Variants in MROH2B observed in about 807,000 individuals in gnomAD.
The protein encoded by MROH2B is maestro heat-like repeat-containing protein family member 2B.
Under a neutral mutation model 208.6 loss-of-function variants are expected in MROH2B, and 177 were observed. The observed-to-expected ratio is 0.85, with a 90% confidence interval of 0.75 to 0.96. The LOEUF is 0.96. MROH2B is among the 40% of genes least tolerant of loss of function. The probability of loss-of-function intolerance (pLI) is 0.00; values close to 1 mark genes in which losing one functional copy is unlikely to be tolerated. For missense variants in MROH2B, 2,002 were observed against 1,878.7 expected, an observed-to-expected ratio of 1.07 and a Z score of -1.21; for synonymous variants, 728 against 659.0, an observed-to-expected ratio of 1.10 and a Z score of -1.60.
chr5:41,014,424 C>G (rs1410505286), intron 29 of MROH2B, among the ~76,000 whole-genome samples: 2 of 152,072 alleles, frequency 1.3e-5, no homozygotes, highest in East Asian at 3.9e-4. Context: ...ACATCACACA[C>G]CAGGGCCTGT....
At position 41,067,117 on chromosome 5, in the gene MROH2B, T is replaced by C. The variant is rs1201605665; in HGVS notation, c.192A>G (p.Arg64=). ...RLIYYASKDM[R]DNNMLREIRM... ...CATGAACCAAACTTACATTGTTGTCTCTCATATCCTTAGAAGCATAATAAA... is the reference window on the plus strand; with the variant it reads ...CATGAACCAAACTTACATTGTTGTCCCTCATATCCTTAGAAGCATAATAAA... Residue 64 remains arginine (R), a synonymous_variant, in exon 3 of 42, where the codon AGA becomes AGG. Coordinates refer to ENST00000399564, the MANE Select transcript of MROH2B (RefSeq NM_173489.5). The C allele has an allele frequency of 6.5e-7, 1 of 1,547,698 alleles. No homozygotes were observed. Among genetic ancestry groups the C allele is most frequent in the Non-Finnish European group, 8.8e-7 (1 of 1,142,852 alleles).
Position 41,057,563 on chromosome 5 carries a change from C to CTTTTTTTTTTTTTTTTTTTTTTTTTTTT in MROH2B, c.757-204_757-203insAAAAAAAAAAAAAAAAAAAAAAAAAAAA, listed in dbSNP as rs776904759. Among the ~76,000 whole-genome samples the CTTTTTTTTTTTTTTTTTTTTTTTTTTTT allele has an allele frequency of 5.5e-3, 406 of 73,210 alleles. 115 individuals carry two copies. The highest frequency in any genetic ancestry group is 0.019 in the East Asian group (32 of 1,698). 48.0% of individuals were successfully genotyped at this position (73,210 alleles called of 152,430 possible). A position where few individuals can be genotyped will look rare whatever the true frequency, so the allele number is the denominator to read the frequency against. The stretch of plus-strand genomic sequence containing the variant: ...ATGAATGAATGAACGAATATCCCTC[C>CTTTTTTTTTTTTTTTTTTTTTTTTTTTT]TTTTTTTTTTTGAGACGGAGTCTTG... On this transcript the variant is annotated intron_variant, in intron 7 of 41. Transcript: ENST00000399564.
intron 24 of MROH2B, among the ~76,000 whole-genome samples, chr5:41,023,186 G>T (rs1006540707): frequency 6.6e-6 from 1 of 152,208 alleles, no homozygotes; most frequent in South Asian, 2.1e-4. Context: ...AACAAAGCTG[G>T]ACGGAGAATG....
At chr5:41,061,858 T>C in intron 5 of MROH2B, 134 bp from the exon 6 acceptor site, 1 of 948,152 alleles carries the variant, frequency 1.1e-6, no homozygotes, top group Non-Finnish European at 1.5e-6. Flanking sequence ...CTGCATCAAA[T>C]ACACATATAG....
At chr5:41,000,176 C>T in intron 39 of MROH2B, 44 bp downstream of exon 39, 1 of 1,611,162 alleles carries the variant, frequency 6.2e-7, no homozygotes, top group Non-Finnish European at 8.5e-7. Context: ...TTGTCTAGAC[C>T]CTTGTCCTGC....
chr5:41,022,793 C>T (rs1742199566), intron 24 of MROH2B, among the ~76,000 whole-genome samples: 1 of 152,202 alleles, frequency 6.6e-6, no homozygotes, highest in African/African-American at 2.4e-5. Flanking sequence ...AAGCACCCCC[C>T]AGTGGTGGCA....
At chr5:41,021,658 G>T (rs1437226868) in intron 24 of MROH2B, among the ~76,000 whole-genome samples, 3 of 152,038 alleles carry the variant, frequency 2.0e-5, no homozygotes, top group Non-Finnish European at 4.4e-5. Context: ...TGGGCTGAGA[G>T]CTTGAGCCCA....
Position 41,018,380 on chromosome 5 carries a change from G to T in MROH2B, c.2724C>A (p.Ala908=), listed in dbSNP as rs779389070. ...VSQKEWERER[A]FQITAKVLTN... ...TCAGCACTTTCGCAGTGATCTGGAA[G>T]GCTCTTTCTCTTTCCCACTCTTTTT... Residue 908 remains alanine, a synonymous_variant, in exon 27 of 42, where the codon GCC becomes GCA. Transcript: ENST00000399564. The T allele has an allele frequency of 1.4e-5, 22 of 1,613,332 alleles. No individual in the cohort carries two copies. The highest frequency in any genetic ancestry group is 1.7e-5 in the Non-Finnish European group (20 of 1,179,770).
chr5:41,005,413 A>AGCCCCC lies in MROH2B; in HGVS notation c.3864+117_3864+118insGGGGGC, dbSNP rs35848875. On this transcript the variant is annotated intron_variant, in intron 35 of 41. Transcript: ENST00000399564. ...CAGTAGCTGGTCTCTCCTCTATGAA[A>AGCCCCC]CCCCCCCCCCCCTTGAAGTCTCTCT... 1,374 of 204,520 alleles carry AGCCCCC rather than the reference A, an allele frequency of 6.7e-3. 230 individuals are homozygous for AGCCCCC. The highest frequency in any genetic ancestry group is 8.6e-3 in the South Asian group (172 of 19,940). The allele number at this position is 204,520 out of a possible 1,614,324, so 12.7% of individuals were successfully genotyped here. A position where few individuals can be genotyped will look rare whatever the true frequency, so the allele number is the denominator to read the frequency against.
rs1169358111 is a variant in MROH2B, at chr5:41,059,625, T to C, written c.616-1422A>G. On this transcript the variant is annotated intron_variant, in intron 6 of 41. Transcript: ENST00000399564. ...CACACATTTCCAAGCAATGGACACT[T>C]GTCAAGATTTTTCTTGAGTGCTGTA... Among the ~76,000 whole-genome samples, 5 of 152,224 alleles carry C rather than the reference T, an allele frequency of 3.3e-5. No individual in the cohort carries two copies. In the East Asian group the frequency reaches 9.6e-4, roughly 29 times the overall value.
Position 41,052,530 on chromosome 5 carries a change from C to G in MROH2B, c.1165G>C (p.Ala389Pro). ...QTMCEKSYIE[A>P]REGWPLIDYV... ...TCAATCAATGGCCATCCTTCCCGAG[C>G]TTCAATATAGGACTTTTCACACATG... is the stretch of plus-strand genomic sequence containing the variant. Residue 389 changes from alanine to proline, a missense_variant, in exon 12 of 42, where the codon GCT becomes CCT. Ala to Pro is a conservative substitution (Grantham distance 27, BLOSUM62 -1). Transcript: ENST00000399564. The G allele has an allele frequency of 1.9e-6, 3 of 1,612,718 alleles. No individual in the cohort carries two copies. Among genetic ancestry groups the G allele is most frequent in the Non-Finnish European group, 2.5e-6 (3 of 1,179,200 alleles).
At chr5:41,069,136 A>C (rs1743901203) in intron 2 of MROH2B, among the ~76,000 whole-genome samples, 1 of 152,336 alleles carries the variant, frequency 6.6e-6, no homozygotes, top group East Asian at 1.9e-4. Context: ...TCAAATGGAA[A>C]TAGCAATAAC....
chr5:41,052,907 T>C (rs1460559036), intron 11 of MROH2B, among the ~76,000 whole-genome samples: 1 of 152,174 alleles, frequency 6.6e-6, no homozygotes, highest in African/African-American at 2.4e-5. Flanking sequence ...GTCATGTTGG[T>C]GCTCAAAAAG....
intron 3 of MROH2B, among the ~76,000 whole-genome samples, chr5:41,065,767 G>GT (rs1472641926): frequency 6.6e-6 from 1 of 152,054 alleles, no homozygotes; most frequent in Non-Finnish European, 1.5e-5. Context: ...ATTAAAACCA[G>GT]TTTTTAAAAG....
intron 33 of MROH2B, among the ~76,000 whole-genome samples, chr5:41,008,075 A>G (rs1304307064): frequency 2.0e-5 from 3 of 152,234 alleles, no homozygotes; most frequent in African/African-American, 7.2e-5. Context: ...ATGATGGGAT[A>G]TGAAATGAAA....
intron 32 of MROH2B, 86 bp from the exon 33 acceptor site, chr5:41,008,879 C>T (rs1490404386): frequency 1.5e-6 from 2 of 1,329,800 alleles, no homozygotes; most frequent in South Asian, 1.5e-5. Flanking sequence ...ACTTTGTTTT[C>T]TCCACCAGTA....
chr5:41,011,912 C>T (rs1741786164), intron 30 of MROH2B, among the ~76,000 whole-genome samples: 1 of 152,318 alleles, frequency 6.6e-6, no homozygotes, highest in Non-Finnish European at 1.5e-5. Flanking sequence ...AAGTGATCCA[C>T]CTGCCTTGGC....
At chr5:41,016,637 C>A (rs1160414278) in intron 28 of MROH2B, among the ~76,000 whole-genome samples, 1 of 151,122 alleles carries the variant, frequency 6.6e-6, no homozygotes, top group Non-Finnish European at 1.5e-5. Context: ...CACCACCACT[C>A]CTGGCTAATT....
intron 21 of MROH2B, among the ~76,000 whole-genome samples, chr5:41,035,186 A>G (rs551424201): frequency 3.9e-5 from 6 of 152,278 alleles, no homozygotes; most frequent in African/African-American, 9.6e-5. Context: ...ACTTCAAACT[A>G]TACTATAAGG....
Sources: allele counts gnomAD v4.1 joint callset (sites outside exome capture counted in the v4.1 genomes callset), GRCh38; gene constraint gnomAD v4.1.1; transcripts MANE v1.5; gene names NCBI Gene and HGNC (gene_info 2026-07-23, HGNC 2026-07-21).